Variants in AMBRA1 observed in about 807,000 individuals in gnomAD.
AMBRA1 encodes activating molecule in BECN1-regulated autophagy protein 1.
In AMBRA1, 47 loss-of-function variants were observed where a neutral mutation model predicts 125.4. The ratio of observed to expected loss-of-function variants is 0.37; its 90% confidence interval spans 0.30 to 0.48. The LOEUF (loss-of-function observed/expected upper bound fraction) is 0.48, where lower values mean the gene tolerates loss of function less well. Among genes scored for constraint, AMBRA1 ranks in the 20% least tolerant of loss-of-function variants. The pLI is 0.99. For missense variants in AMBRA1, 1,331 were observed against 1,693.4 expected, an observed-to-expected ratio of 0.79 and a Z score of 3.76; for synonymous variants, 626 against 655.5, an observed-to-expected ratio of 0.95 and a Z score of 0.69.
At chr11:46,482,090 T>G (rs765904073) in intron 11 of AMBRA1, among the ~76,000 whole-genome samples, 81 of 152,320 alleles carry the variant, frequency 5.3e-4, no homozygotes, top group Non-Finnish European at 4.1e-4. Context: ...GTTTTGTTGT[T>G]GTTGTTTTTG....
intron 7 of AMBRA1, among the ~76,000 whole-genome samples, chr11:46,535,332 GCTAA>G (rs1952420241): frequency 6.6e-6 from 1 of 152,230 alleles, no homozygotes; most frequent in Admixed American, 6.5e-5. Context: ...AAAACTTTCT[GCTAA>G]CTAACATAAG....
chr11:46,433,484 G>A lies in AMBRA1; in HGVS notation c.2966C>T (p.Thr989Ile), dbSNP rs1947552742. Residue 989 changes from threonine to isoleucine, a missense_variant, in exon 14 of 18, where the codon ACC becomes ATC. Coordinates refer to ENST00000683756, the MANE Select transcript of AMBRA1 (RefSeq NM_001387011.1). ...FRLQQAHGGE[T>I]SMRRVFNVLY... ...AGCAATGGCACTCACCCTCATGGAG[G>A]TCTCTCCACCATGGGCCTGTTGCAG... 6.2e-7 allele frequency: 1 copy of A among 1,614,078 alleles called. No homozygotes were observed. Among genetic ancestry groups the A allele is most frequent in the Non-Finnish European group, 8.5e-7 (1 of 1,180,000 alleles).
chr11:46,518,387 G>A (rs559617296), intron 7 of AMBRA1: 85 of 164,106 alleles, frequency 5.2e-4, no homozygotes, highest in African/African-American at 2.1e-3. Context: ...CCAAGATAGC[G>A]CCGCTGTACT....
chr11:46,450,566 A>T (rs1405849928), intron 11 of AMBRA1, among the ~76,000 whole-genome samples: 5 of 151,908 alleles, frequency 3.3e-5, no homozygotes, highest in Non-Finnish European at 7.4e-5. Context: ...CAGCCTCCCG[A>T]GTAGCTGGGG....
chr11:46,492,692 C>G (rs1259483122), intron 11 of AMBRA1, among the ~76,000 whole-genome samples: 1 of 152,210 alleles, frequency 6.6e-6, no homozygotes, highest in Non-Finnish European at 1.5e-5. Context: ...CACACAACGT[C>G]TCAGAACACA....
chr11:46,525,245 G>A (rs1951918410), intron 7 of AMBRA1, among the ~76,000 whole-genome samples: 1 of 152,196 alleles, frequency 6.6e-6, no homozygotes, highest in Non-Finnish European at 1.5e-5. Flanking sequence ...AGGCTGCAGT[G>A]AGCTGAGATC....
At chr11:46,428,275 TCA>T (rs770083302) in intron 14 of AMBRA1, among the ~76,000 whole-genome samples, 5 of 152,160 alleles carry the variant, frequency 3.3e-5, no homozygotes, top group Non-Finnish European at 7.3e-5. Context: ...TGGGTAACAC[TCA>T]CTCAACTCTT....
At chr11:46,547,694 C>A in intron 3 of AMBRA1, 123 bp downstream of exon 3, 1 of 923,538 alleles carries the variant, frequency 1.1e-6, no homozygotes, top group Admixed American at 2.6e-5. Flanking sequence ...GACACGGGGC[C>A]AAAGTGCTGT....
chr11:46,409,683 C>T (rs2136619504), intron 16 of AMBRA1, among the ~76,000 whole-genome samples: 1 of 152,376 alleles, frequency 6.6e-6, no homozygotes, highest in East Asian at 1.9e-4. Context: ...AGAGGCAGCC[C>T]AGGCCTTTTG....
At chr11:46,429,907 C>T (rs1947369485) in intron 14 of AMBRA1, among the ~76,000 whole-genome samples, 1 of 151,832 alleles carries the variant, frequency 6.6e-6, no homozygotes, top group South Asian at 2.1e-4. Flanking sequence ...CTGGCTCAAG[C>T]AGAAGGGAAT....
At chr11:46,576,420 G>C (rs2043963103) in intron 1 of AMBRA1, among the ~76,000 whole-genome samples, 1 of 152,114 alleles carries the variant, frequency 6.6e-6, no homozygotes, top group African/African-American at 2.4e-5. Context: ...GAGTCACTGT[G>C]CCCAGCCAGA....
chr11:46,500,740 C>T (rs1174677010), intron 9 of AMBRA1, among the ~76,000 whole-genome samples: 3 of 152,118 alleles, frequency 2.0e-5, no homozygotes, highest in Admixed American at 6.6e-5. Context: ...AGAATCTCCT[C>T]GCTATACCCA....
chr11:46,407,489 C>T (rs973961616), intron 17 of AMBRA1, among the ~76,000 whole-genome samples: 1 of 152,316 alleles, frequency 6.6e-6, no homozygotes, highest in South Asian at 2.1e-4. Flanking sequence ...TCCACCACCT[C>T]CTCCCAGAGG....
At chr11:46,519,144 C>T (rs1225065050) in intron 7 of AMBRA1, among the ~76,000 whole-genome samples, 1 of 152,196 alleles carries the variant, frequency 6.6e-6, no homozygotes, top group Non-Finnish European at 1.5e-5. Flanking sequence ...TTGCCTCAGC[C>T]TCCCGAGTAG....
At chr11:46,474,329 A>G (rs1180556137) in intron 11 of AMBRA1, among the ~76,000 whole-genome samples, 2 of 152,194 alleles carry the variant, frequency 1.3e-5, no homozygotes, top group African/African-American at 2.4e-5. Context: ...TATCAGGTAT[A>G]TGATCAATAC....
intron 1 of AMBRA1, among the ~76,000 whole-genome samples, chr11:46,580,325 T>C (rs1443426349): frequency 1.3e-5 from 2 of 152,196 alleles, no homozygotes; most frequent in Non-Finnish European, 2.9e-5. Context: ...GTAAATACCA[T>C]CTATATACTA....
intron 17 of AMBRA1, 25 bp from the exon 18 acceptor site, chr11:46,397,968 G>C: frequency 6.4e-7 from 1 of 1,559,446 alleles, no homozygotes; most frequent in South Asian, 1.2e-5. Flanking sequence ...GCAGAAGAGA[G>C]AGCGAATTGG....
chr11:46,448,542 C>T (rs1351740882), intron 11 of AMBRA1, among the ~76,000 whole-genome samples: 1 of 151,896 alleles, frequency 6.6e-6, no homozygotes, highest in Non-Finnish European at 1.5e-5. Flanking sequence ...ATTTAAGCAC[C>T]TACCATAAGA....
intron 17 of AMBRA1, 59 bp from the exon 18 acceptor site, chr11:46,398,002 A>G: frequency 6.6e-7 from 1 of 1,524,348 alleles, no homozygotes; most frequent in South Asian, 1.2e-5. Context: ...CCTCTGAGGC[A>G]GGTGGGCAGC....
Sources: allele counts gnomAD v4.1 joint callset (sites outside exome capture counted in the v4.1 genomes callset), GRCh38; gene constraint gnomAD v4.1.1; transcripts MANE v1.5; gene names NCBI Gene and HGNC (gene_info 2026-07-23, HGNC 2026-07-21).